Variants in HMG20A observed in about 807,000 individuals in gnomAD.
HMG20A encodes high mobility group 20A, also known as high mobility group protein 20A.
Under a neutral mutation model 43.9 loss-of-function variants are expected in HMG20A, and 17 were observed. The observed-to-expected ratio is 0.39, with a 90% CI of 0.27 to 0.58. The LOEUF (loss-of-function observed/expected upper bound fraction) is 0.58. Ranked by LOEUF, HMG20A falls within the 20% of genes least tolerant of loss-of-function variation. The probability of loss-of-function intolerance (pLI) is 0.59; values close to 1 mark genes in which losing one functional copy is unlikely to be tolerated. For synonymous variants in HMG20A, 132 were observed against 147.5 expected, an observed-to-expected ratio of 0.89 and a Z score of 0.76; for missense variants, 341 against 438.2, an observed-to-expected ratio of 0.78 and a Z score of 1.98.
chr15:77,516,749 G>T, the HMG20A span, among the ~76,000 whole-genome samples: 1 of 152,196 alleles, frequency 6.6e-6, no homozygotes, highest in African/African-American at 2.4e-5. Context: ...AGGGGAAGAA[G>T]GGGAGTGGGG....
intron 1 of HMG20A, among the ~76,000 whole-genome samples, chr15:77,444,841 A>G (rs544754122): frequency 6.6e-6 from 1 of 152,320 alleles, no homozygotes; most frequent in South Asian, 2.1e-4. Context: ...AGCATGTTAC[A>G]GTTGTGCCTA....
At chr15:77,478,538 G>C in intron 8 of HMG20A, 28 bp downstream of exon 8, 1 of 1,573,240 alleles carries the variant, frequency 6.4e-7, no homozygotes, top group Non-Finnish European at 8.7e-7. Flanking sequence ...AGAACTGTCA[G>C]TGACAGGGGT....
At chr15:77,467,000 T>G in intron 3 of HMG20A, 95 bp from the exon 4 acceptor site, 2 of 1,015,920 alleles carry the variant, frequency 2.0e-6, no homozygotes, top group Non-Finnish European at 2.9e-6. Context: ...CTTAATCCTG[T>G]TTTGTTTGTT....
At chr15:77,518,955 G>A in the HMG20A span, among the ~76,000 whole-genome samples, 1 of 152,200 alleles carries the variant, frequency 6.6e-6, no homozygotes, top group East Asian at 1.9e-4. Flanking sequence ...CTGCTTGGAT[G>A]ACCTCCTCCT....
At chr15:77,444,901 A>G (rs2073656129) in intron 1 of HMG20A, among the ~76,000 whole-genome samples, 1 of 152,248 alleles carries the variant, frequency 6.6e-6, no homozygotes, top group East Asian at 1.9e-4. Flanking sequence ...TCAGAGTAGT[A>G]AAGACCACTA....
intron 1 of HMG20A, chr15:77,421,215 TG>T (rs1431890765): frequency 7.9e-6 from 2 of 252,142 alleles, no homozygotes; most frequent in Non-Finnish European, 1.5e-5. Context: ...GGTGATGGTT[TG>T]GGGGTGTCCG....
intron 1 of HMG20A, among the ~76,000 whole-genome samples, chr15:77,427,517 T>C (rs2073438694): frequency 2.0e-5 from 3 of 152,194 alleles, no homozygotes; most frequent in African/African-American, 7.2e-5. Context: ...GCAAAAATAT[T>C]TGGCTAGTTG....
At chr15:77,495,318 C>T in the HMG20A span, among the ~76,000 whole-genome samples, 1 of 152,108 alleles carries the variant, frequency 6.6e-6, no homozygotes, top group African/African-American at 2.4e-5. Flanking sequence ...GAGGCTGAGG[C>T]GGGTGGATCA....
intron 1 of HMG20A, among the ~76,000 whole-genome samples, chr15:77,432,027 CTG>C (rs2073490346): frequency 1.3e-5 from 2 of 152,176 alleles, no homozygotes; most frequent in South Asian, 4.1e-4. Flanking sequence ...CTGTGTTCAT[CTG>C]TTGATGGATA....
chr15:77,499,524 T>C, the HMG20A span, among the ~76,000 whole-genome samples: 1 of 151,982 alleles, frequency 6.6e-6, no homozygotes, highest in Non-Finnish European at 1.5e-5. Context: ...ATTCACAGAA[T>C]GCTCCCCCCC....
intron 1 of HMG20A, among the ~76,000 whole-genome samples, chr15:77,437,077 C>G (rs2073557525): frequency 6.6e-6 from 1 of 152,150 alleles, no homozygotes. Context: ...TGCAATGTGC[C>G]TACTTAACAT....
chr15:77,496,432 C>T, the HMG20A span, among the ~76,000 whole-genome samples: 1 of 152,184 alleles, frequency 6.6e-6, no homozygotes, highest in Non-Finnish European at 1.5e-5. Flanking sequence ...TTCAGCTCTG[C>T]CCTCCTCCAT....
chr15:77,499,446 G>C, the HMG20A span, among the ~76,000 whole-genome samples: 19 of 152,148 alleles, frequency 1.2e-4, no homozygotes, highest in Non-Finnish European at 2.6e-4. Flanking sequence ...GCTCTCTGAA[G>C]CTGGAGAGCC....
At chr15:77,475,075 A>C (rs2072843410) in intron 6 of HMG20A, among the ~76,000 whole-genome samples, 1 of 152,190 alleles carries the variant, frequency 6.6e-6, no homozygotes, top group Non-Finnish European at 1.5e-5. Flanking sequence ...ATTTATGAGA[A>C]ATGACAGAAT....
chr15:77,426,354 A>G (rs1007517988), intron 1 of HMG20A, among the ~76,000 whole-genome samples: 2 of 152,216 alleles, frequency 1.3e-5, no homozygotes, highest in Non-Finnish European at 2.9e-5. Flanking sequence ...TACCAATAGC[A>G]TAAATAGTTG....
chr15:77,458,881 T>C (rs997212467), intron 2 of HMG20A, among the ~76,000 whole-genome samples: 5 of 152,220 alleles, frequency 3.3e-5, no homozygotes, highest in Admixed American at 1.3e-4. Context: ...TTTAATGTGG[T>C]TCTTTATTCA....
At chr15:77,497,682 A>AGAGAGAGAGAGAGAGTGTGT in the HMG20A span, among the ~76,000 whole-genome samples, 1 of 119,084 alleles carries the variant, frequency 8.4e-6, no homozygotes, top group African/African-American at 3.2e-5. Flanking sequence ...AGAGAGAGAG[A>AGAGAGAGAGAGAGAGTGTGT]GTGTGTGTGT....
chr15:77,453,523 C>A (rs1012463997), intron 1 of HMG20A, among the ~76,000 whole-genome samples: 1 of 152,066 alleles, frequency 6.6e-6, no homozygotes, highest in Non-Finnish European at 1.5e-5. Flanking sequence ...TTGATTTTCT[C>A]AAAATATTAA....
At chr15:77,502,936 C>T in the HMG20A span, among the ~76,000 whole-genome samples, 1 of 152,170 alleles carries the variant, frequency 6.6e-6, no homozygotes, top group African/African-American at 2.4e-5. Context: ...CACTGGACTC[C>T]AGGCTAGGCA....
Sources: gnomAD v4.1 joint callset for allele counts (sites outside exome capture counted in the v4.1 genomes callset) on GRCh38, gnomAD v4.1.1 for gene constraint, MANE v1.5 for transcripts, NCBI Gene and HGNC (gene_info 2026-07-23, HGNC 2026-07-21) for gene names.